The following MICU1 variants were observed in gnomAD, a reference collection of about 807,000 sequenced individuals.
MICU1 encodes mitochondrial calcium uptake 1.
In MICU1, 45 loss-of-function variants were observed where a neutral mutation model predicts 56.8. That is an observed-to-expected ratio of 0.79 (90% CI 0.62 to 1.02). The LOEUF (loss-of-function observed/expected upper bound fraction) is 1.02, where lower values mean the gene tolerates loss of function less well. Ranked by LOEUF, MICU1 falls within the 50% of genes least tolerant of loss-of-function variation. The probability of loss-of-function intolerance (pLI) is 0.00; values close to 1 mark genes in which losing one functional copy is unlikely to be tolerated. For synonymous variants in MICU1, 186 were observed against 195.1 expected (o/e 0.95, Z 0.39); for missense variants, 504 against 587.1 (o/e 0.86, Z 1.46).
chr10:72,407,267 TAGAG>T (rs1193681817), intron 10 of MICU1, among the ~76,000 whole-genome samples: 4 of 152,282 alleles, frequency 2.6e-5, no homozygotes, highest in Admixed American at 1.3e-4. Context: ...AATGATTACT[TAGAG>T]AGGTGAAAAT....
intron 1 of MICU1, among the ~76,000 whole-genome samples, chr10:72,625,713 C>A (rs960151219): frequency 1.3e-5 from 2 of 152,126 alleles, no homozygotes; most frequent in Non-Finnish European, 2.9e-5. Flanking sequence ...AGGGGGGCGT[C>A]GGCGCCAAGT....
intron 1 of MICU1, among the ~76,000 whole-genome samples, chr10:72,573,559 G>A (rs939410180): frequency 6.6e-6 from 1 of 151,934 alleles, no homozygotes; most frequent in Non-Finnish European, 1.5e-5. Context: ...CAAATGTACA[G>A]TATTTCATAT....
chr10:72,616,148 T>A (rs1254474238), intron 1 of MICU1, among the ~76,000 whole-genome samples: 3 of 152,218 alleles, frequency 2.0e-5, no homozygotes, highest in Non-Finnish European at 4.4e-5. Context: ...TTCTCATCAG[T>A]ATGAGTCACG....
intron 1 of MICU1, among the ~76,000 whole-genome samples, chr10:72,598,324 C>T (rs1034775677): frequency 6.6e-6 from 1 of 151,748 alleles, no homozygotes; most frequent in Non-Finnish European, 1.5e-5. Flanking sequence ...GGCATGATCT[C>T]GGCTCACTGC....
At chr10:72,468,163 C>T (rs1865849606) in intron 8 of MICU1, among the ~76,000 whole-genome samples, 1 of 152,088 alleles carries the variant, frequency 6.6e-6, no homozygotes, top group Non-Finnish European at 1.5e-5. Flanking sequence ...TGGTTATTTG[C>T]TAAGCACGTG....
intron 1 of MICU1, among the ~76,000 whole-genome samples, chr10:72,624,707 G>C (rs1400914558): frequency 6.6e-6 from 1 of 152,070 alleles, no homozygotes; most frequent in East Asian, 1.9e-4. Context: ...TCTCAGTAAG[G>C]ACACTCAGAA....
chr10:72,466,051 G>A (rs1422106973), intron 8 of MICU1, among the ~76,000 whole-genome samples: 1 of 152,014 alleles, frequency 6.6e-6, no homozygotes, highest in Non-Finnish European at 1.5e-5. Context: ...CTTTTAGGAA[G>A]TACTTTACAG....
chr10:72,592,215 G>A (rs963872644), intron 1 of MICU1, among the ~76,000 whole-genome samples: 5 of 151,652 alleles, frequency 3.3e-5, no homozygotes, highest in African/African-American at 1.2e-4. Context: ...TCACATGTTG[G>A]TCAGGCTGGT....
At chr10:72,511,822 G>C (rs1867459464) in intron 5 of MICU1, among the ~76,000 whole-genome samples, 1 of 152,110 alleles carries the variant, frequency 6.6e-6, no homozygotes, top group African/African-American at 2.4e-5. Context: ...GATATCCAAA[G>C]CAGCAGCAGA....
At chr10:72,375,705 G>T in intron 11 of MICU1, 78 bp downstream of exon 11, 1 of 1,339,328 alleles carries the variant, frequency 7.5e-7, no homozygotes, top group Non-Finnish European at 1.0e-6. Context: ...GATGCTGTCC[G>T]CAAGGCTCCA....
intron 1 of MICU1, among the ~76,000 whole-genome samples, chr10:72,614,272 A>G (rs541565600): frequency 5.3e-5 from 8 of 152,326 alleles, no homozygotes; most frequent in African/African-American, 1.4e-4. Context: ...TACACTGCTG[A>G]TAGGAATATA....
chr10:72,443,024 T>C (rs1009255128), intron 8 of MICU1, among the ~76,000 whole-genome samples: 1 of 152,208 alleles, frequency 6.6e-6, no homozygotes, highest in African/African-American at 2.4e-5. Flanking sequence ...CCCAAAGTGC[T>C]GGGATTACAG....
chr10:72,607,884 C>A (rs1052761230), intron 1 of MICU1, among the ~76,000 whole-genome samples: 1 of 151,970 alleles, frequency 6.6e-6, no homozygotes, highest in Admixed American at 6.6e-5. Flanking sequence ...TAGTTAGTAC[C>A]AGAATTGAAC....
intron 6 of MICU1, among the ~76,000 whole-genome samples, chr10:72,487,124 G>C (rs1345307124): frequency 6.6e-6 from 1 of 152,102 alleles, no homozygotes; most frequent in African/African-American, 2.4e-5. Flanking sequence ...GTTTTAGGAA[G>C]GGATGAGACG....
chr10:72,542,861 G>T lies in MICU1; in HGVS notation c.493+8318C>A, dbSNP rs1027178416. Among the ~76,000 whole-genome samples, 3 of 152,236 alleles carry T rather than the reference G, an allele frequency of 2.0e-5. No homozygotes were observed. In the East Asian group the frequency reaches 5.8e-4, roughly 29 times the overall value. ...GATGGTGAATGCAGAGGATTTTACT[G>T]AACAATGAAAGTGGCTCTCAGCAGG... On this transcript the variant is annotated intron_variant, in intron 4 of 11. Transcript: ENST00000361114.
intron 1 of MICU1, among the ~76,000 whole-genome samples, chr10:72,607,788 G>A (rs916294411): frequency 2.7e-4 from 41 of 152,216 alleles, no homozygotes; most frequent in African/African-American, 9.6e-4. Context: ...GGTAACTTGG[G>A]AGCCTACTGC....
At chr10:72,529,620 A>G (rs1016844527) in intron 5 of MICU1, among the ~76,000 whole-genome samples, 1 of 152,154 alleles carries the variant, frequency 6.6e-6, no homozygotes, top group Non-Finnish European at 1.5e-5. Context: ...TACAAAATAT[A>G]ATTTCTATCT....
intron 5 of MICU1, chr10:72,532,852 G>A: frequency 1.8e-6 from 2 of 1,122,138 alleles, no homozygotes; most frequent in East Asian, 6.2e-5. Context: ...CTTTTCACTT[G>A]TATAAAAGAG....
chr10:72,512,107 GTTTTTTTT>G (rs869183579), intron 5 of MICU1, among the ~76,000 whole-genome samples: 2 of 29,524 alleles, frequency 6.8e-5, no homozygotes, highest in African/African-American at 9.3e-5. Flanking sequence ...GTTGTTTTTT[GTTTTTTTT>G]TTTTTTTTTT....
Sources: gnomAD v4.1 joint callset for allele counts (sites outside exome capture counted in the v4.1 genomes callset) on GRCh38, gnomAD v4.1.1 for gene constraint, MANE v1.5 for transcripts, NCBI Gene and HGNC (gene_info 2026-07-23, HGNC 2026-07-21) for gene names.